DTNA: variants seen among roughly 807,000 people sequenced by gnomAD.
DTNA encodes dystrophin-related protein 3.
In DTNA, 43 loss-of-function variants were observed where a neutral mutation model predicts 100.7. That is an observed-to-expected ratio of 0.43 (90% confidence interval 0.33 to 0.55). DTNA has a LOEUF of 0.55. Among genes scored for constraint, DTNA ranks in the 20% least tolerant of loss-of-function variants. The probability of loss-of-function intolerance (pLI) is 0.04; values close to 1 mark genes in which losing one functional copy is unlikely to be tolerated. For synonymous variants in DTNA, 349 were observed against 347.9 expected (o/e 1.00, Z -0.04); for missense variants, 798 against 953.9 (o/e 0.84, Z 2.15).
At chr18:34,756,346 G>C (rs1395629052) in intron 2 of DTNA, among the ~76,000 whole-genome samples, 1 of 152,098 alleles carries the variant, frequency 6.6e-6, no homozygotes, top group African/African-American at 2.4e-5. Context: ...ATTTAGTGTT[G>C]ACATTAATAC....
intron 1 of DTNA, among the ~76,000 whole-genome samples, chr18:34,586,544 C>CT (rs755494235): frequency 6.6e-6 from 1 of 152,062 alleles, no homozygotes; most frequent in Non-Finnish European, 1.5e-5. Flanking sequence ...TATGCTGACT[C>CT]TAACTATCAG....
chr18:34,519,277 C>A (rs2041949440), intron 1 of DTNA, among the ~76,000 whole-genome samples: 1 of 152,050 alleles, frequency 6.6e-6, no homozygotes, highest in Non-Finnish European at 1.5e-5. Context: ...CACCAGAAAT[C>A]ACTTACAGCT....
At chr18:34,528,060 A>G (rs1335998732) in intron 1 of DTNA, among the ~76,000 whole-genome samples, 1 of 152,028 alleles carries the variant, frequency 6.6e-6, no homozygotes, top group South Asian at 2.1e-4. Context: ...TTCTATTTTT[A>G]TATCTTATTT....
intron 3 of DTNA, among the ~76,000 whole-genome samples, chr18:34,784,422 C>G (rs1386409899): frequency 1.3e-5 from 2 of 152,198 alleles, no homozygotes; most frequent in South Asian, 2.1e-4. Context: ...GTTCTTTGCT[C>G]TGTGCCATTG....
At chr18:34,693,949 C>A (rs564696918) in intron 1 of DTNA, among the ~76,000 whole-genome samples, 1 of 152,080 alleles carries the variant, frequency 6.6e-6, no homozygotes, top group East Asian at 1.9e-4. Context: ...CCTTAAACAC[C>A]TTATGTATTA....
intron 4 of DTNA, among the ~76,000 whole-genome samples, chr18:34,795,672 T>A (rs2094938347): frequency 6.6e-6 from 1 of 152,134 alleles, no homozygotes; most frequent in African/African-American, 2.4e-5. Context: ...AATGTAACAA[T>A]GGAAACTGCA....
intron 1 of DTNA, among the ~76,000 whole-genome samples, chr18:34,586,399 T>G (rs1036243920): frequency 2.0e-5 from 3 of 148,490 alleles, no homozygotes; most frequent in African/African-American, 5.1e-5. Context: ...TCTTGTCGGG[T>G]TTTTTTTGTT....
chr18:34,500,535 C>T (rs543997994), intron 1 of DTNA, among the ~76,000 whole-genome samples: 4 of 151,462 alleles, frequency 2.6e-5, no homozygotes, highest in Non-Finnish European at 5.9e-5. Flanking sequence ...ACGATCTATG[C>T]CCACTGCAAC....
At chr18:34,879,443 G>A (rs2096850770) in intron 19 of DTNA, 108 bp from the exon 20 acceptor site, 2 of 1,079,870 alleles carry the variant, frequency 1.9e-6, no homozygotes, top group Admixed American at 2.1e-5. Flanking sequence ...ATGATAACTG[G>A]TTAACATTTT....
At chr18:34,653,986 T>C (rs1406372227) in intron 1 of DTNA, among the ~76,000 whole-genome samples, 2 of 152,228 alleles carry the variant, frequency 1.3e-5, no homozygotes, top group Non-Finnish European at 2.9e-5. Flanking sequence ...GATGAGTTTT[T>C]CTTGTCAGCC....
At chr18:34,877,504 A>T (rs1402810685) in intron 18 of DTNA, among the ~76,000 whole-genome samples, 1 of 152,212 alleles carries the variant, frequency 6.6e-6, no homozygotes, top group Non-Finnish European at 1.5e-5. Context: ...CTCCATCATT[A>T]GCCATGTCTT....
chr18:34,726,808 T>C (rs1268506408), intron 1 of DTNA, among the ~76,000 whole-genome samples: 1 of 152,188 alleles, frequency 6.6e-6, no homozygotes, highest in Non-Finnish European at 1.5e-5. Flanking sequence ...TTTTCCCAAC[T>C]GAAGGACAGC....
chr18:34,541,467 A>G (rs1402286457), intron 1 of DTNA, among the ~76,000 whole-genome samples: 2 of 151,988 alleles, frequency 1.3e-5, no homozygotes, highest in Non-Finnish European at 2.9e-5. Context: ...TTGATTGTGA[A>G]TAAGTCTCAT....
At chr18:34,497,740 A>G (rs887483644) in intron 1 of DTNA, among the ~76,000 whole-genome samples, 1 of 152,052 alleles carries the variant, frequency 6.6e-6, no homozygotes, top group Admixed American at 6.5e-5. Flanking sequence ...TTTTTGCCCC[A>G]TATTTTATAC....
intron 1 of DTNA, chr18:34,514,087 T>G (rs924432050): frequency 6.6e-6 from 1 of 152,144 alleles, no homozygotes; most frequent in East Asian, 1.9e-4. Flanking sequence ...AGTGGCTATT[T>G]AAGGACTCTA....
chr18:34,680,192 ACACT>A (rs1312179076), intron 1 of DTNA, among the ~76,000 whole-genome samples: 3 of 152,294 alleles, frequency 2.0e-5, no homozygotes, highest in East Asian at 1.9e-4. Flanking sequence ...ACACACACAC[ACACT>A]CACATTAAGC....
intron 1 of DTNA, among the ~76,000 whole-genome samples, chr18:34,720,442 G>A (rs1239028594): frequency 6.6e-6 from 1 of 152,196 alleles, no homozygotes; most frequent in Non-Finnish European, 1.5e-5. Flanking sequence ...GATGCTGTTT[G>A]GGTTAAGACA....
chr18:34,655,439 G>T (rs928952382), intron 1 of DTNA, among the ~76,000 whole-genome samples: 1 of 152,138 alleles, frequency 6.6e-6, no homozygotes, highest in African/African-American at 2.4e-5. Context: ...TAAAGGAAAT[G>T]GTGGCTAAAG....
At chr18:34,601,239 TTTAA>T (rs2051753692) in intron 1 of DTNA, among the ~76,000 whole-genome samples, 1 of 152,242 alleles carries the variant, frequency 6.6e-6, no homozygotes, top group Non-Finnish European at 1.5e-5. Flanking sequence ...TATTTATATC[TTTAA>T]TTATAAGCAA....
Sources: gnomAD v4.1 joint callset for allele counts (sites outside exome capture counted in the v4.1 genomes callset) on GRCh38, gnomAD v4.1.1 for gene constraint, MANE v1.5 for transcripts, NCBI Gene and HGNC (gene_info 2026-07-23, HGNC 2026-07-21) for gene names.